AGBL4: variants seen among roughly 807,000 people sequenced by gnomAD.
The protein encoded by AGBL4 is AGBL carboxypeptidase 4, also known as cytosolic carboxypeptidase 6.
AGBL4 carries 58 observed loss-of-function variants against 66.4 expected under a neutral mutation model. The observed-to-expected ratio is 0.87, with a 90% CI of 0.71 to 1.09. The LOEUF (loss-of-function observed/expected upper bound fraction) is 1.09, where lower values mean the gene tolerates loss of function less well. Ranked by LOEUF, AGBL4 falls within the 50% of genes least tolerant of loss-of-function variation. AGBL4 has a pLI of 0.00. For missense variants in AGBL4, 579 were observed against 631.0 expected, an observed-to-expected ratio of 0.92 and a Z score of 0.88; for synonymous variants, 234 against 222.9, an observed-to-expected ratio of 1.05 and a Z score of -0.44.
At chr1:49,046,452 G>A (rs941198658) in intron 4 of AGBL4, among the ~76,000 whole-genome samples, 2 of 152,148 alleles carry the variant, frequency 1.3e-5, no homozygotes, top group Non-Finnish European at 2.9e-5. Context: ...TTCCACAGAA[G>A]CACTTTGGGA....
chr1:48,633,095 C>G (rs1006291386), intron 9 of AGBL4, among the ~76,000 whole-genome samples: 18 of 152,138 alleles, frequency 1.2e-4, no homozygotes, highest in African/African-American at 4.1e-4. Context: ...AAGCAAATAT[C>G]CTAGGGTTAT....
intron 5 of AGBL4, among the ~76,000 whole-genome samples, chr1:48,969,659 A>C (rs1235499950): frequency 6.6e-6 from 1 of 151,846 alleles, no homozygotes; most frequent in African/African-American, 2.4e-5. Flanking sequence ...TCTTAGGAAA[A>C]TATACCCTTC....
At chr1:48,656,894 T>A (rs1289045011) in intron 7 of AGBL4, among the ~76,000 whole-genome samples, 1 of 152,078 alleles carries the variant, frequency 6.6e-6, no homozygotes, top group Non-Finnish European at 1.5e-5. Flanking sequence ...GGTGATGGGA[T>A]CATTAGAAAT....
intron 1 of AGBL4, among the ~76,000 whole-genome samples, chr1:49,943,980 T>C (rs985151224): frequency 2.6e-5 from 4 of 152,014 alleles, no homozygotes; most frequent in Non-Finnish European, 5.9e-5. Context: ...CTTCGGAGTT[T>C]CATGGGAACA....
At chr1:49,177,647 CCTGG>C (rs1646856583) in intron 4 of AGBL4, among the ~76,000 whole-genome samples, 1 of 152,018 alleles carries the variant, frequency 6.6e-6, no homozygotes, top group Admixed American at 6.6e-5. Context: ...ATGTCTTCTG[CCTGG>C]ATGTGCTCTT....
At chr1:49,737,659 T>A (rs898030608) in intron 2 of AGBL4, among the ~76,000 whole-genome samples, 3 of 152,184 alleles carry the variant, frequency 2.0e-5, no homozygotes, top group Non-Finnish European at 2.9e-5. Context: ...CAAATCTGTA[T>A]GTGTACTCCT....
intron 3 of AGBL4, among the ~76,000 whole-genome samples, chr1:49,645,988 C>A (rs549949434): frequency 1.9e-4 from 29 of 151,634 alleles, no homozygotes; most frequent in African/African-American, 7.0e-4. Flanking sequence ...TTCCTCATTA[C>A]AACTCTCCGT....
At chr1:49,024,688 A>AT (rs1321059059) in intron 5 of AGBL4, among the ~76,000 whole-genome samples, 1 of 152,150 alleles carries the variant, frequency 6.6e-6, no homozygotes, top group African/African-American at 2.4e-5. Context: ...AGCTGGTTTA[A>AT]TTTTTATATG....
chr1:49,618,194 T>C (rs576389131), intron 3 of AGBL4, among the ~76,000 whole-genome samples: 55 of 152,344 alleles, frequency 3.6e-4, no homozygotes, highest in Non-Finnish European at 4.3e-4. Flanking sequence ...TCATCCTTTT[T>C]TATGGCTGGA....
chr1:49,530,829 T>TA (rs750213253), intron 3 of AGBL4, among the ~76,000 whole-genome samples: 4 of 152,058 alleles, frequency 2.6e-5, no homozygotes, highest in Non-Finnish European at 5.9e-5. Context: ...GCCCTAGTGT[T>TA]AGACTACCTG....
At chr1:49,449,526 C>T (rs1352335068) in intron 3 of AGBL4, among the ~76,000 whole-genome samples, 1 of 151,946 alleles carries the variant, frequency 6.6e-6, no homozygotes. Flanking sequence ...AGGGCCCATA[C>T]TTTCTTTAAA....
chr1:49,782,483 A>C (rs1321668422), intron 2 of AGBL4, among the ~76,000 whole-genome samples: 1 of 152,196 alleles, frequency 6.6e-6, no homozygotes, highest in East Asian at 1.9e-4. Flanking sequence ...TGTCCCTCCC[A>C]AAATTCAGGT....
chr1:49,001,665 T>G (rs1323859970), intron 5 of AGBL4, among the ~76,000 whole-genome samples: 2 of 152,214 alleles, frequency 1.3e-5, no homozygotes, highest in African/African-American at 4.8e-5. Flanking sequence ...CCGTGGTGCT[T>G]CCTACATGTC....
intron 3 of AGBL4, among the ~76,000 whole-genome samples, chr1:49,563,345 G>A (rs1172208284): frequency 1.3e-5 from 2 of 151,948 alleles, no homozygotes; most frequent in African/African-American, 4.8e-5. Flanking sequence ...CCAACACTAT[G>A]TTGAATAGGA....
At chr1:49,508,064 A>G (rs1383322252) in intron 3 of AGBL4, among the ~76,000 whole-genome samples, 1 of 151,996 alleles carries the variant, frequency 6.6e-6, no homozygotes, top group African/African-American at 2.4e-5. Flanking sequence ...CATAGCCTCT[A>G]GTTCATGAAG....
chr1:49,286,054 C>T (rs1242403630), intron 3 of AGBL4, among the ~76,000 whole-genome samples: 4 of 152,090 alleles, frequency 2.6e-5, no homozygotes, highest in Non-Finnish European at 5.9e-5. Context: ...AAGGCTGGTT[C>T]AATATACACA....
intron 4 of AGBL4, among the ~76,000 whole-genome samples, chr1:49,077,095 C>CCT (rs1553150873): frequency 3.3e-5 from 5 of 150,442 alleles, no homozygotes; most frequent in Admixed American, 3.3e-4. Flanking sequence ...CTTCTGTGTG[C>CCT]GTGTGTGTGT....
chr1:48,868,609 A>G (rs541677882), intron 5 of AGBL4, among the ~76,000 whole-genome samples: 3 of 152,358 alleles, frequency 2.0e-5, no homozygotes, highest in East Asian at 3.9e-4. Flanking sequence ...AAGGTTCTCA[A>G]TAAAAAGATC....
At chr1:49,162,433 A>G (rs771598602) in intron 4 of AGBL4, among the ~76,000 whole-genome samples, 1 of 152,238 alleles carries the variant, frequency 6.6e-6, no homozygotes, top group Non-Finnish European at 1.5e-5. Context: ...TAAATGTCTG[A>G]TAAATGAATA....
Sources: allele counts gnomAD v4.1 joint callset (sites outside exome capture counted in the v4.1 genomes callset), GRCh38; gene constraint gnomAD v4.1.1; transcripts MANE v1.5; gene names NCBI Gene and HGNC (gene_info 2026-07-23, HGNC 2026-07-21).